Variants in KLHL21 observed in about 807,000 individuals in gnomAD.
The protein encoded by KLHL21 is kelch like family member 21.
A neutral mutation model predicts 44.1 loss-of-function variants in KLHL21; 42 were observed. The ratio of observed to expected loss-of-function variants is 0.95; its 90% CI spans 0.74 to 1.23. The LOEUF (loss-of-function observed/expected upper bound fraction) is 1.23, where lower values mean the gene tolerates loss of function less well. KLHL21 is among the 50% of genes most tolerant of loss of function. The pLI is 0.00. For missense variants in KLHL21, 918 were observed against 889.1 expected, an observed-to-expected ratio of 1.03 and a Z score of -0.41; for synonymous variants, 524 against 411.6, an observed-to-expected ratio of 1.27 and a Z score of -3.31.
chr1:6,593,345 CGTGCCGGGCCAGACTG>C lies in KLHL21; in HGVS notation c.*4_*19del, dbSNP rs1557431159. 1 of 1,552,018 alleles carries C rather than the reference CGTGCCGGGCCAGACTG, an allele frequency of 6.4e-7. No homozygotes were observed. The highest frequency in any genetic ancestry group is 8.7e-7 in the Non-Finnish European group (1 of 1,151,250). ...GGTGCCAGTTACCTGCACCGAGGCC[CGTGCCGGGCCAGACTG>C]GGGCTAGTGCAGCTCATCGGGGTCC... On this transcript the variant is annotated 3_prime_UTR_variant, in exon 4 of 4. Transcript: ENST00000377658.
rs1238042190 is a variant in KLHL21 at position 6,599,220 on chromosome 1, A to G, written c.1254T>C (p.Thr418=). The change falls in exon 2 of 4, where the codon ACT becomes ACC. Residue 418 remains threonine, a synonymous_variant. Transcript: ENST00000377658. ...MTYPMDNCST[T]ACRGRLYAIG... ...TGGCATAGAGCCGGCCACGGCACGCAGTGGTGGAGCAGTTGTCCATGGGGT... is the reference window on the plus strand; with the variant it reads ...TGGCATAGAGCCGGCCACGGCACGCGGTGGTGGAGCAGTTGTCCATGGGGT... 4 of 1,614,090 alleles carry G rather than the reference A, an allele frequency of 2.5e-6. No homozygotes were observed. The highest frequency in any genetic ancestry group is 2.2e-5 in the East Asian group (1 of 44,884).
chr1:6,597,919 C>T (rs1251486954), intron 2 of KLHL21, among the ~76,000 whole-genome samples: 6 of 152,202 alleles, frequency 3.9e-5, no homozygotes, highest in Non-Finnish European at 8.8e-5. Context: ...TCATTGATGC[C>T]CAGAAACCAG....
At position 6,591,279 on chromosome 1, in the gene KLHL21, G is replaced by C. The variant is rs1361158437; in HGVS notation, c.*2086C>G. ...GGGTAGGTCCGGAGGACAGACACAG[G>C]AGAGGGCACAATCCCAAGCGCAGCT... On this transcript the variant is annotated 3_prime_UTR_variant, in exon 4 of 4. Transcript: ENST00000377658. The C allele has an allele frequency of 2.9e-6, 1 of 339,160 alleles. No homozygotes were observed. The highest frequency in any genetic ancestry group is 2.1e-5 in the African/African-American group (1 of 47,668). The allele number at this position is 339,160 out of a possible 1,614,324, so 21.0% of individuals were successfully genotyped here.
rs1557438115 is a variant in KLHL21 at position 6,602,729 on chromosome 1, GCGCGCAGCTGGCTCAGGC to G, written c.71_88del (p.Gly24_Arg29del). The G allele has an allele frequency of 4.0e-6, 6 of 1,512,080 alleles. No homozygotes were observed. The highest frequency in any genetic ancestry group is 1.2e-5 in the South Asian group (1 of 81,732). The allele number at this position is 1,512,080 out of a possible 1,614,324, so 93.7% of individuals were successfully genotyped here. A position where few individuals can be genotyped will look rare whatever the true frequency, so the allele number is the denominator to read the frequency against. ...GGTCACGTCCAGGAACTTGCGCTCG[GCGCGCAGCTGGCTCAGGC>G]CGCGCAGCAGGCTCAGGGCGTGCGC... is the stretch of plus-strand genomic sequence containing the variant. On this transcript the variant is annotated inframe_deletion, in exon 1 of 4. Transcript: ENST00000377658.
chr1:6,602,683 G>C lies in KLHL21; in HGVS notation c.135C>G (p.Arg45=). 2 of 1,512,002 alleles carry C rather than the reference G, an allele frequency of 1.3e-6. No individual in the cohort carries two copies. The highest frequency in any genetic ancestry group is 8.8e-7 in the Non-Finnish European group (1 of 1,137,742). 93.7% of individuals were successfully genotyped at this position (1,512,002 alleles called of 1,614,324 possible). A position where few individuals can be genotyped will look rare whatever the true frequency, so the allele number is the denominator to read the frequency against. ...GCACCGCACGGTGCGCCGGGAAGTC[G>C]CGCCCGCCCGCCGCCTCCAGGGTCA... ...LDVTLEAAGG[R]DFPAHRAVLA... Residue 45 remains arginine (R), a synonymous_variant, in exon 1 of 4, where the codon CGC becomes CGG. Transcript: ENST00000377658.
Position 6,590,906 on chromosome 1 carries a change from G to A in KLHL21, c.*2459C>T, listed in dbSNP as rs1460302641. 5.0e-6 allele frequency: 2 copies of A among 398,606 alleles called. No individual in the cohort carries two copies. The highest frequency in any genetic ancestry group is 4.4e-5 in the Admixed American group (1 of 22,734). The allele number at this position is 398,606 out of a possible 1,614,324, so 24.7% of individuals were successfully genotyped here. A position where few individuals can be genotyped will look rare whatever the true frequency, so the allele number is the denominator to read the frequency against. ...CCTTTATTACATACGCGTCTCTGAA[G>A]TCATATAAATATAGAATACCTTATA... On this transcript the variant is annotated 3_prime_UTR_variant, in exon 4 of 4. Coordinates refer to ENST00000377658, the MANE Select transcript of KLHL21 (RefSeq NM_014851.4).
intron 3 of KLHL21, chr1:6,593,947 A>T (rs767252750): frequency 1.6e-5 from 19 of 1,214,482 alleles, no homozygotes; most frequent in Non-Finnish European, 2.0e-5. Context: ...TCTCTCTCAG[A>T]ATCTCTGCAG....
intron 2 of KLHL21, among the ~76,000 whole-genome samples, chr1:6,596,103 A>C (rs1254518485): frequency 6.6e-6 from 1 of 152,268 alleles, no homozygotes; most frequent in African/African-American, 2.4e-5. Flanking sequence ...CACAGCCTTG[A>C]AAAGCAAAGA....
At chr1:6,594,115 G>A (rs1169053505) in intron 3 of KLHL21, 18 of 990,776 alleles carry the variant, frequency 1.8e-5, no homozygotes, top group Admixed American at 1.2e-4. Context: ...AGCTTACTGC[G>A]GGGAAAACAG....
chr1:6,602,840 G>T lies in KLHL21; in HGVS notation c.-23C>A. The T allele has an allele frequency of 7.1e-7, 1 of 1,405,844 alleles. No homozygotes were observed. The highest frequency in any genetic ancestry group is 1.5e-5 in the South Asian group (1 of 65,730). The allele number at this position is 1,405,844 out of a possible 1,614,324, so 87.1% of individuals were successfully genotyped here. On this transcript the variant is annotated 5_prime_UTR_variant, in exon 1 of 4. Transcript: ENST00000377658. ...CATGGCGCCTTCGATAGGTTGTCGA[G>T]GACGCCGCGGCCGGGGCCTGCGGAG...
chr1:6,593,627 C>T lies in KLHL21; in HGVS notation c.1532G>A (p.Gly511Glu), dbSNP rs562159346. ...TCCCCCAGAGACGTACAGCTTCCCC[C>T]CAAGGACGGCCAGGCTGCCCCCCAC... ...VHVGGSLAVL[G>E]GKLYVSGGYD... The change falls in exon 4 of 4, where the codon GGG (glycine) becomes GAG (glutamate). Residue 511 changes from glycine to glutamate, a missense_variant. Gly to Glu is a moderately conservative substitution (Grantham distance 98). Coordinates refer to ENST00000377658, the MANE Select transcript of KLHL21 (RefSeq NM_014851.4). 6.3e-7 allele frequency: 1 copy of T among 1,592,728 alleles called. No homozygotes were observed. Among genetic ancestry groups the T allele is most frequent in the Admixed American group, 1.7e-5 (1 of 58,368 alleles).
At position 6,601,903 on chromosome 1, in the gene KLHL21, G is replaced by C; in HGVS notation, c.915C>G (p.Asp305Glu). 1 of 1,566,288 alleles carries C rather than the reference G, an allele frequency of 6.4e-7. No homozygotes were observed. Among genetic ancestry groups the C allele is most frequent in the African/African-American group, 1.4e-5 (1 of 73,668 alleles). Reference protein sequence around the residue: ...DQDCDELVTVDCYNPQTGQWR... With the variant: ...DQDCDELVTVECYNPQTGQWR... The stretch of plus-strand genomic sequence containing the variant: ...ACTGACCCGTCTGCGGGTTGTAGCA[G>C]TCGACAGTGACCAGCTCGTCACAGT... The change falls in exon 1 of 4, where the codon GAC becomes GAG. Residue 305 changes from aspartate to glutamate, a missense_variant. Transcript: ENST00000377658.
Position 6,602,612 on chromosome 1 carries a change from AGCTGCCCCGCG to A in KLHL21, c.195_205del (p.Gly67ArgfsTer37). 1 of 1,522,280 alleles carries A rather than the reference AGCTGCCCCGCG, an allele frequency of 6.6e-7. No homozygotes were observed. The highest frequency in any genetic ancestry group is 8.8e-7 in the Non-Finnish European group (1 of 1,140,290). The allele number at this position is 1,522,280 out of a possible 1,614,324, so 94.3% of individuals were successfully genotyped here. On this transcript the variant is annotated frameshift_variant, in exon 1 of 4. Transcript: ENST00000377658. LOFTEE classifies it high-confidence loss of function. ...CACCCGCTCGGCGCGGCTCTCGCGC[AGCTGCCCCGCG>A]AACATGGCGCGGAAGTAGGGGCTGG...
intron 2 of KLHL21, 141 bp from the exon 3 acceptor site, chr1:6,595,698 C>A: frequency 1.4e-6 from 1 of 706,402 alleles, no homozygotes; most frequent in Non-Finnish European, 2.3e-6. Flanking sequence ...AGCACCCTTG[C>A]CAGGTAGGCT....
rs1296271144 is a variant in KLHL21, at chr1:6,593,224, T to C, written c.*141A>G. On this transcript the variant is annotated 3_prime_UTR_variant, in exon 4 of 4. Coordinates refer to ENST00000377658, the MANE Select transcript of KLHL21 (RefSeq NM_014851.4). The stretch of plus-strand genomic sequence containing the variant: ...CAAGGTACAGAAACCTTCCAGGTAA[T>C]GGATCCTGGGCTGGCTTCGCCACCC... The C allele has an allele frequency of 1.3e-5, 11 of 863,476 alleles. No individual in the cohort carries two copies. 53.5% of individuals were successfully genotyped at this position (863,476 alleles called of 1,614,324 possible).
intron 1 of KLHL21, among the ~76,000 whole-genome samples, chr1:6,601,386 G>A (rs1641015106): frequency 6.6e-6 from 1 of 152,314 alleles, no homozygotes; most frequent in African/African-American, 2.4e-5. Flanking sequence ...TCAGCAGGGA[G>A]GGAGAAATTC....
In KLHL21 at chr1:6,592,267, T is replaced by G. The variant is rs1324560447; in HGVS notation, c.*1098A>C. The G allele has an allele frequency of 6.6e-6, 1 of 152,150 alleles. No individual in the cohort carries two copies. The highest frequency in any genetic ancestry group is 1.5e-5 in the Non-Finnish European group (1 of 68,036). 9.4% of individuals were successfully genotyped at this position (152,150 alleles called of 1,614,324 possible). Reference sequence around the variant, plus strand: ...ACCTTCTTTAACCAGGAAAATGCAGTCTAAATGCCCTCTTCTCTAAAAAGG... The same window carrying G: ...ACCTTCTTTAACCAGGAAAATGCAGGCTAAATGCCCTCTTCTCTAAAAAGG... On this transcript the variant is annotated 3_prime_UTR_variant, in exon 4 of 4. Coordinates refer to ENST00000377658, the MANE Select transcript of KLHL21 (RefSeq NM_014851.4).
In KLHL21 at chr1:6,602,206, G is replaced by A. The variant is rs770427389; in HGVS notation, c.612C>T (p.Arg204=). The A allele has an allele frequency of 4.6e-6, 7 of 1,516,640 alleles. No individual in the cohort carries two copies. Among genetic ancestry groups the A allele is most frequent in the Admixed American group, 2.0e-5 (1 of 49,560 alleles). The allele number at this position is 1,516,640 out of a possible 1,614,324, so 93.9% of individuals were successfully genotyped here. A position where few individuals can be genotyped will look rare whatever the true frequency, so the allele number is the denominator to read the frequency against. ...KEEAAYQLAL[R]WVRADPPRRA... ...GGCGCGGCGGGTCAGCGCGGACCCA[G>A]CGCAGCGCCAGCTGGTAGGCGGCCT... Residue 204 remains arginine (R), a synonymous_variant, in exon 1 of 4, where the codon CGC becomes CGT. Coordinates refer to ENST00000377658, the MANE Select transcript of KLHL21 (RefSeq NM_014851.4).
chr1:6,599,050 A>G lies in KLHL21; in HGVS notation c.1424T>C (p.Val475Ala), dbSNP rs1403145456. The G allele has an allele frequency of 1.3e-6, 2 of 1,574,696 alleles. No homozygotes were observed. Among genetic ancestry groups the G allele is most frequent in the Non-Finnish European group, 1.7e-6 (2 of 1,157,900 alleles). ...TATLNGLMYF[V>A]RDDSAEVDVY... ...GGGCTCGGCACCTGGAACTCACCTGACAAAGTACATGAGTCCGTTTAGAGT... is the reference window on the plus strand; with the variant it reads ...GGGCTCGGCACCTGGAACTCACCTGGCAAAGTACATGAGTCCGTTTAGAGT... The change falls in exon 2 of 4, where the codon GTC becomes GCC. Residue 475 changes from valine (V) to alanine (A), a missense_variant. Coordinates refer to ENST00000377658, the MANE Select transcript of KLHL21 (RefSeq NM_014851.4).
Sources: allele counts gnomAD v4.1 joint callset (sites outside exome capture counted in the v4.1 genomes callset), GRCh38; gene constraint gnomAD v4.1.1; transcripts MANE v1.5; gene names NCBI Gene and HGNC (gene_info 2026-07-23, HGNC 2026-07-21).